F11R: variants seen among roughly 807,000 people sequenced by gnomAD.
F11R encodes junctional adhesion molecule A.
A neutral mutation model predicts 39.3 loss-of-function variants in F11R; 27 were observed. The observed-to-expected ratio is 0.69, with a 90% CI of 0.51 to 0.95. The LOEUF (loss-of-function observed/expected upper bound fraction) is 0.95. Among genes scored for constraint, F11R ranks in the 40% least tolerant of loss-of-function variants. F11R has a pLI of 0.00. For missense variants in F11R, 335 were observed against 372.7 expected, an observed-to-expected ratio of 0.90 and a Z score of 0.83; for synonymous variants, 131 against 144.9, an observed-to-expected ratio of 0.90 and a Z score of 0.69.
At position 160,997,374 on chromosome 1, in the gene F11R, C is replaced by T. The variant is rs1415785326; in HGVS notation, c.*1497G>A. On this transcript the variant is annotated 3_prime_UTR_variant, in exon 10 of 10. Transcript: ENST00000368026. ...AGCTGTAGGGAGGTCTGTTAATGCACCTGGCTGAACAGGAGGTACAAGAGT... is the reference window on the plus strand; with the variant it reads ...AGCTGTAGGGAGGTCTGTTAATGCATCTGGCTGAACAGGAGGTACAAGAGT... The T allele has an allele frequency of 6.6e-6, 1 of 152,368 alleles. No individual in the cohort carries two copies. Among genetic ancestry groups the T allele is most frequent in the African/African-American group, 2.4e-5 (1 of 41,446 alleles). 9.4% of individuals were successfully genotyped at this position (152,368 alleles called of 1,614,324 possible).
chr1:161,005,803 G>A (rs544921564), intron 1 of F11R, among the ~76,000 whole-genome samples: 1 of 152,210 alleles, frequency 6.6e-6, no homozygotes, highest in South Asian at 2.1e-4. Flanking sequence ...ACAGGCGTGA[G>A]CCACCATGGC....
At chr1:161,020,948 G>T (rs1390688985) in intron 1 of F11R, 62 bp downstream of exon 1, 1 of 1,480,916 alleles carries the variant, frequency 6.8e-7, no homozygotes, top group Non-Finnish European at 9.4e-7. Flanking sequence ...GGGGCGTGGG[G>T]AGAGCCTTCC....
chr1:160,999,525 G>A (rs1051937602), intron 7 of F11R, 115 bp downstream of exon 7: 3 of 1,524,604 alleles, frequency 2.0e-6, no homozygotes, highest in African/African-American at 1.4e-5. Context: ...GTGTTCCCCA[G>A]GGGACAACAC....
intron 1 of F11R, among the ~76,000 whole-genome samples, chr1:161,014,510 C>G (rs542430111): frequency 7.9e-4 from 121 of 152,268 alleles, no homozygotes; most frequent in African/African-American, 2.8e-3. Context: ...TCAAGACCAG[C>G]CTGTACAACA....
Position 161,020,564 on chromosome 1 carries a change from C to T in F11R, c.64+446G>A, listed in dbSNP as rs116733786. On this transcript the variant is annotated intron_variant, in intron 1 of 9. Coordinates refer to ENST00000368026, the MANE Select transcript of F11R (RefSeq NM_016946.6). Reference sequence around the variant, plus strand: ...CCCCAGACCACCTCCATTTGATTTTCTTCGAAGACCGTTAAAGGAGCCAAG... The same window carrying T: ...CCCCAGACCACCTCCATTTGATTTTTTTCGAAGACCGTTAAAGGAGCCAAG... Among the ~76,000 whole-genome samples, 1,341 of 152,340 alleles carry T rather than the reference C, an allele frequency of 8.8e-3. 17 individuals carry two copies. Among genetic ancestry groups the T allele is most frequent in the Non-Finnish European group, 0.013 (904 of 68,032 alleles).
intron 1 of F11R, 57 bp downstream of exon 1, chr1:161,020,953 C>T: frequency 6.6e-7 from 1 of 1,522,752 alleles, no homozygotes; most frequent in Admixed American, 1.7e-5. Context: ...GTGGGGAGAG[C>T]CTTCCTCCAA....
In F11R at chr1:160,997,344, C is replaced by G. The variant is rs185746191; in HGVS notation, c.*1527G>C. Reference sequence around the variant, plus strand: ...TTGCCTCAGCTCTGGGACAGTAGTTCCTACAGCTGTAGGGAGGTCTGTTAA... The same window carrying G: ...TTGCCTCAGCTCTGGGACAGTAGTTGCTACAGCTGTAGGGAGGTCTGTTAA... On this transcript the variant is annotated 3_prime_UTR_variant, in exon 10 of 10. Transcript: ENST00000368026. 6.6e-6 allele frequency: 1 copy of G among 152,354 alleles called. No homozygotes were observed. Among genetic ancestry groups the G allele is most frequent in the Non-Finnish European group, 1.5e-5 (1 of 68,052 alleles). 9.4% of individuals were successfully genotyped at this position (152,354 alleles called of 1,614,324 possible). A position where few individuals can be genotyped will look rare whatever the true frequency, so the allele number is the denominator to read the frequency against.
rs1304433839 is a variant in F11R at position 160,995,522 on chromosome 1, G to C, written c.*3349C>G. 6.6e-6 allele frequency: 1 copy of C among 152,292 alleles called. No individual in the cohort carries two copies. Among genetic ancestry groups the C allele is most frequent in the African/African-American group, 2.4e-5 (1 of 41,456 alleles). The allele number at this position is 152,292 out of a possible 1,614,324, so 9.4% of individuals were successfully genotyped here. A position where few individuals can be genotyped will look rare whatever the true frequency, so the allele number is the denominator to read the frequency against. ...TAATCCCAGCACTTTGGGAGGCCGA[G>C]GTGGGCGGATCATGAGGTCAAGGGA... On this transcript the variant is annotated 3_prime_UTR_variant, in exon 10 of 10. Transcript: ENST00000368026.
At chr1:161,004,375 C>T (rs1035193927) in intron 1 of F11R, among the ~76,000 whole-genome samples, 7 of 152,130 alleles carry the variant, frequency 4.6e-5, no homozygotes, top group Admixed American at 6.5e-5. Flanking sequence ...GCCTGGCCAA[C>T]GTGGCGAAAC....
chr1:160,999,683 C>T lies in F11R; in HGVS notation c.759G>A (p.Leu253=), dbSNP rs756342674. The change falls in exon 7 of 10, where the codon TTG becomes TTA. Residue 253 remains leucine (L), a synonymous_variant. Coordinates refer to ENST00000368026, the MANE Select transcript of F11R (RefSeq NM_016946.6). The stretch of plus-strand genomic sequence containing the variant: ...TATAGGCAAACCAGATGCCAAAAAC[C>T]AAGATTCCCAGGAGAATCAGGGTTA... The part of the protein sequence containing the change: ...VLVTLILLGI[L]VFGIWFAYSR... The T allele has an allele frequency of 6.2e-7, 1 of 1,614,176 alleles. No homozygotes were observed. Among genetic ancestry groups the T allele is most frequent in the Non-Finnish European group, 8.5e-7 (1 of 1,180,024 alleles).
At chr1:161,015,953 T>G (rs895946791) in intron 1 of F11R, among the ~76,000 whole-genome samples, 1 of 152,006 alleles carries the variant, frequency 6.6e-6, no homozygotes, top group Non-Finnish European at 1.5e-5. Context: ...TTAAAAAAAA[T>G]CACAGTAGCT....
At chr1:160,999,832 C>A in intron 6 of F11R, 44 bp downstream of exon 6, 1 of 1,608,526 alleles carries the variant, frequency 6.2e-7, no homozygotes, top group Non-Finnish European at 8.5e-7. Context: ...GAAAAGCAGA[C>A]CCCAATCCCC....
rs145029935 is a variant in F11R, at chr1:161,007,027, C to T, written c.65-5674G>A. ...AAAAAATATATATATAAAAATTAGC[C>T]GGGTGTGGTGGCACATGCCTGCAAT... On this transcript the variant is annotated intron_variant, in intron 1 of 9. Transcript: ENST00000368026. Among the ~76,000 whole-genome samples the T allele has an allele frequency of 9.7e-3, 1,479 of 152,098 alleles. 24 individuals are homozygous for T. The highest frequency in any genetic ancestry group is 0.034 in the African/African-American group (1,418 of 41,474).
At chr1:161,019,593 CAAA>C (rs1055209744) in intron 1 of F11R, among the ~76,000 whole-genome samples, 6 of 47,904 alleles carry the variant, frequency 1.3e-4, no homozygotes, top group African/African-American at 1.5e-4. Context: ...AACTCTAACT[CAAA>C]AAAAAAAAAA....
chr1:161,013,972 G>A (rs749417226), intron 1 of F11R, among the ~76,000 whole-genome samples: 25 of 152,288 alleles, frequency 1.6e-4, no homozygotes, highest in East Asian at 5.8e-4. Flanking sequence ...AACAAATGAC[G>A]CAGCCGGACT....
chr1:161,016,980 T>C (rs557205600), intron 1 of F11R, among the ~76,000 whole-genome samples: 1 of 152,332 alleles, frequency 6.6e-6, no homozygotes, highest in East Asian at 1.9e-4. Context: ...AACCCCTTGC[T>C]CTCTGAAACA....
intron 1 of F11R, among the ~76,000 whole-genome samples, chr1:161,016,652 G>A (rs1425296083): frequency 2.6e-5 from 4 of 150,952 alleles, no homozygotes; most frequent in East Asian, 1.9e-4. Flanking sequence ...ATGAGACTCC[G>A]TCTCAAAAAA....
rs749990794 is a variant in F11R at position 161,012,589 on chromosome 1, GAATT to G, written c.64+8417_64+8420del. ...TCCTTGAGTTGCTTTTGTGTCGTTT[GAATT>G]AATTAATTTTATTTATTTATTTATT... On this transcript the variant is annotated intron_variant, in intron 1 of 9. Transcript: ENST00000368026. Among the ~76,000 whole-genome samples, 324 of 137,080 alleles carry G rather than the reference GAATT, an allele frequency of 2.4e-3. 4 individuals carry two copies. The highest frequency in any genetic ancestry group is 8.6e-3 in the African/African-American group (308 of 35,916). 89.9% of individuals were successfully genotyped at this position (137,080 alleles called of 152,430 possible). A position where few individuals can be genotyped will look rare whatever the true frequency, so the allele number is the denominator to read the frequency against.
At chr1:161,017,069 C>T (rs1358088110) in intron 1 of F11R, among the ~76,000 whole-genome samples, 2 of 152,140 alleles carry the variant, frequency 1.3e-5, no homozygotes, top group African/African-American at 4.8e-5. Context: ...TTGAAGGCAG[C>T]ATGCTCCTTA....
Sources: allele counts gnomAD v4.1 joint callset (sites outside exome capture counted in the v4.1 genomes callset), GRCh38; gene constraint gnomAD v4.1.1; transcripts MANE v1.5; gene names NCBI Gene and HGNC (gene_info 2026-07-23, HGNC 2026-07-21).